RGL1: variants seen among roughly 807,000 people sequenced by gnomAD.
The protein encoded by RGL1 is ral guanine nucleotide dissociation stimulator like 1.
RGL1 carries 24 observed loss-of-function variants against 95.2 expected under a neutral mutation model. The ratio of observed to expected loss-of-function variants is 0.25; its 90% CI spans 0.18 to 0.35. The LOEUF is 0.35. Ranked by LOEUF, RGL1 falls within the 10% of genes least tolerant of loss-of-function variation. RGL1 has a pLI of 1.00. For synonymous variants in RGL1, 329 were observed against 344.9 expected (o/e 0.95, Z 0.51); for missense variants, 715 against 936.3 (o/e 0.76, Z 3.08).
chr1:183,857,783 T>C (rs917849583), intron 3 of RGL1, among the ~76,000 whole-genome samples: 6 of 152,206 alleles, frequency 3.9e-5, no homozygotes, highest in Non-Finnish European at 8.8e-5. Flanking sequence ...TTGGTAAATA[T>C]TTACTTTTGC....
chr1:183,753,973 A>T (rs1658186028), intron 2 of RGL1, among the ~76,000 whole-genome samples: 1 of 151,096 alleles, frequency 6.6e-6, no homozygotes. Flanking sequence ...TTTTCTTGGA[A>T]AGAAGGAAAT....
intron 1 of RGL1, among the ~76,000 whole-genome samples, chr1:183,651,463 A>T (rs1650747724): frequency 6.6e-6 from 1 of 152,164 alleles, no homozygotes; most frequent in South Asian, 2.1e-4. Context: ...GCTGTATTTG[A>T]TACAGCTTGA....
At chr1:183,920,657 T>C (rs1383374432) in intron 16 of RGL1, among the ~76,000 whole-genome samples, 1 of 152,248 alleles carries the variant, frequency 6.6e-6, no homozygotes, top group Non-Finnish European at 1.5e-5. Context: ...TCTTCTCCTT[T>C]AGCTTTCTGC....
At chr1:183,636,922 G>C (rs16861338) in intron 1 of RGL1, among the ~76,000 whole-genome samples, 1,920 of 152,304 alleles carry the variant, frequency 0.013, 45 homozygotes, top group African/African-American at 0.044. Flanking sequence ...TGCTCGGTAT[G>C]GGTCCAGTTT....
intron 10 of RGL1, among the ~76,000 whole-genome samples, chr1:183,898,208 C>T (rs1667812116): frequency 6.6e-6 from 1 of 152,202 alleles, no homozygotes; most frequent in Non-Finnish European, 1.5e-5. Flanking sequence ...TCCGCCCCCT[C>T]CTGCACTTAG....
intron 1 of RGL1, among the ~76,000 whole-genome samples, chr1:183,736,854 G>A (rs887110713): frequency 6.6e-6 from 1 of 152,148 alleles, no homozygotes; most frequent in Non-Finnish European, 1.5e-5. Flanking sequence ...GTCTGCAGAG[G>A]AAGAAGAAAA....
chr1:183,707,974 G>A (rs1655022280), intron 1 of RGL1, among the ~76,000 whole-genome samples: 1 of 152,166 alleles, frequency 6.6e-6, no homozygotes, highest in African/African-American at 2.4e-5. Context: ...TGTGATCTGA[G>A]TGCAAAAAGG....
intron 12 of RGL1, among the ~76,000 whole-genome samples, chr1:183,903,565 G>A (rs563354640): frequency 2.6e-5 from 4 of 152,098 alleles, no homozygotes; most frequent in East Asian, 1.9e-4. Flanking sequence ...AACATGGGGG[G>A]GGTTTGGGAA....
At chr1:183,674,843 A>T (rs1234653717) in intron 1 of RGL1, among the ~76,000 whole-genome samples, 2 of 152,196 alleles carry the variant, frequency 1.3e-5, no homozygotes, top group Middle Eastern at 3.2e-3. Flanking sequence ...ATTTGTGTTA[A>T]TGCCCCCCTT....
intron 2 of RGL1, among the ~76,000 whole-genome samples, chr1:183,792,125 C>A (rs960010021): frequency 6.6e-6 from 1 of 151,950 alleles, no homozygotes; most frequent in African/African-American, 2.4e-5. Context: ...ATGTCCTCAC[C>A]ACAATCCCAG....
chr1:183,712,407 C>G (rs1056185124), intron 1 of RGL1, among the ~76,000 whole-genome samples: 1 of 152,164 alleles, frequency 6.6e-6, no homozygotes, highest in African/African-American at 2.4e-5. Context: ...TGCAATAACT[C>G]CTGCTGGTGA....
At chr1:183,662,426 CAGAG>C (rs983542636) in intron 1 of RGL1, among the ~76,000 whole-genome samples, 3 of 151,964 alleles carry the variant, frequency 2.0e-5, no homozygotes, top group African/African-American at 7.3e-5. Flanking sequence ...AACAGACAAA[CAGAG>C]AGCCAAATCT....
At chr1:183,876,579 T>G (rs1666509429) in intron 4 of RGL1, among the ~76,000 whole-genome samples, 2 of 152,268 alleles carry the variant, frequency 1.3e-5, no homozygotes, top group African/African-American at 4.8e-5. Context: ...GTCACAATTG[T>G]AATCATCCAG....
chr1:183,806,805 A>G (rs1300200333), intron 2 of RGL1, among the ~76,000 whole-genome samples: 2 of 152,144 alleles, frequency 1.3e-5, no homozygotes, highest in African/African-American at 2.4e-5. Flanking sequence ...CTCTTAGACA[A>G]GAGCCATAAG....
intron 1 of RGL1, among the ~76,000 whole-genome samples, chr1:183,678,775 G>T (rs1254875762): frequency 6.6e-6 from 1 of 152,106 alleles, no homozygotes; most frequent in Non-Finnish European, 1.5e-5. Context: ...CTTTTGGAGA[G>T]GTCTGGTTAG....
At chr1:183,695,276 A>C (rs1278485464) in intron 1 of RGL1, among the ~76,000 whole-genome samples, 1 of 152,144 alleles carries the variant, frequency 6.6e-6, no homozygotes, top group Admixed American at 6.5e-5. Context: ...TGTTCCATTC[A>C]CCTAAGTCAG....
In RGL1 at chr1:183,703,209, G is replaced by T. The variant is rs147126065; in HGVS notation, c.-32-38917G>T. Among the ~76,000 whole-genome samples, 11 of 152,300 alleles carry T rather than the reference G, an allele frequency of 7.2e-5. No individual in the cohort carries two copies. The South Asian group carries it at 1.9e-3, about 26-fold the overall frequency. Reference sequence around the variant, plus strand: ...TTTGGTTATAGAAAAAGGGAAAAGCGACGACTTTCTCAATAACTACTTCAA... The same window carrying T: ...TTTGGTTATAGAAAAAGGGAAAAGCTACGACTTTCTCAATAACTACTTCAA... On this transcript the variant is annotated intron_variant, in intron 1 of 18. Coordinates refer to the RGL1 transcript ENST00000304685.
intron 2 of RGL1, among the ~76,000 whole-genome samples, chr1:183,799,297 A>AT (rs1401305523): frequency 6.6e-6 from 1 of 152,162 alleles, no homozygotes; most frequent in Non-Finnish European, 1.5e-5. Flanking sequence ...TCTCTTTGAG[A>AT]TACTGATTTA....
upstream of RGL1, among the ~76,000 whole-genome samples, chr1:183,801,143 T>TTGTG (rs139990784): frequency 0.11 from 14,739 of 129,856 alleles, 777 homozygotes; most frequent in Non-Finnish European, 0.13. Context: ...ACTTGTTATT[T>TTGTG]TGTGTGTGTG....
Sources: gnomAD v4.1 joint callset for allele counts (sites outside exome capture counted in the v4.1 genomes callset) on GRCh38, gnomAD v4.1.1 for gene constraint, MANE v1.5 for transcripts, NCBI Gene and HGNC (gene_info 2026-07-23, HGNC 2026-07-21) for gene names.